Variants in AMBRA1 observed in about 807,000 individuals in gnomAD.
The protein encoded by AMBRA1 is activating molecule in BECN1-regulated autophagy protein 1.
A neutral mutation model predicts 125.4 loss-of-function variants in AMBRA1; 47 were observed. The observed-to-expected ratio is 0.37, with a 90% CI of 0.30 to 0.48. AMBRA1 has a LOEUF of 0.48. Among genes scored for constraint, AMBRA1 ranks in the 20% least tolerant of loss-of-function variants. AMBRA1 has a pLI of 0.99. For missense variants in AMBRA1, 1,331 were observed against 1,693.4 expected, an observed-to-expected ratio of 0.79 and a Z score of 3.76; for synonymous variants, 626 against 655.5, an observed-to-expected ratio of 0.95 and a Z score of 0.69.
At chr11:46,409,455 C>A (rs536436060) in intron 16 of AMBRA1, among the ~76,000 whole-genome samples, 8 of 152,208 alleles carry the variant, frequency 5.3e-5, no homozygotes, top group Non-Finnish European at 1.2e-4. Context: ...GCCTCAGCCT[C>A]CCAAAGTGCT....
chr11:46,588,642 CCACATGCCTGT>C (rs2044485593), intron 1 of AMBRA1, among the ~76,000 whole-genome samples: 1 of 151,426 alleles, frequency 6.6e-6, no homozygotes, highest in Non-Finnish European at 1.5e-5. Flanking sequence ...AATTAGCCAG[CCACATGCCTGT>C]AGTCCCAGCT....
intron 1 of AMBRA1, among the ~76,000 whole-genome samples, chr11:46,554,601 C>T (rs1198737831): frequency 6.6e-6 from 1 of 152,128 alleles, no homozygotes; most frequent in Non-Finnish European, 1.5e-5. Context: ...TTTGCTGTTG[C>T]TTTAAAAGGA....
At chr11:46,546,457 T>G (rs566175875) in intron 4 of AMBRA1, among the ~76,000 whole-genome samples, 1 of 152,092 alleles carries the variant, frequency 6.6e-6, no homozygotes, top group East Asian at 1.9e-4. Context: ...ATGATCGGAG[T>G]ACAGGAATAT....
chr11:46,451,048 A>T (rs1948566508), intron 11 of AMBRA1, among the ~76,000 whole-genome samples: 1 of 152,198 alleles, frequency 6.6e-6, no homozygotes, highest in African/African-American at 2.4e-5. Context: ...TTTCATTCAC[A>T]TTCTAGGAGA....
chr11:46,452,044 C>A (rs1948625416), intron 11 of AMBRA1, among the ~76,000 whole-genome samples: 2 of 151,564 alleles, frequency 1.3e-5, no homozygotes, highest in African/African-American at 2.4e-5. Context: ...GTGATGACTG[C>A]ACAACTCTAT....
At chr11:46,540,121 C>T (rs1215983428) in intron 7 of AMBRA1, among the ~76,000 whole-genome samples, 2 of 152,146 alleles carry the variant, frequency 1.3e-5, no homozygotes, top group Admixed American at 6.5e-5. Context: ...CGTGAGCCAC[C>T]GTGCCCGGCA....
At chr11:46,460,589 C>T (rs1184851404) in intron 11 of AMBRA1, among the ~76,000 whole-genome samples, 5 of 152,156 alleles carry the variant, frequency 3.3e-5, no homozygotes, top group Non-Finnish European at 5.9e-5. Flanking sequence ...TCCCAAAGTG[C>T]TGGCATTACA....
At chr11:46,461,865 A>G (rs561582619) in intron 11 of AMBRA1, among the ~76,000 whole-genome samples, 1 of 152,320 alleles carries the variant, frequency 6.6e-6, no homozygotes, top group African/African-American at 2.4e-5. Flanking sequence ...AAGCATGCAA[A>G]CACATGCCCA....
intron 14 of AMBRA1, among the ~76,000 whole-genome samples, chr11:46,424,454 C>T (rs4550197): frequency 0.99 from 150,420 of 152,338 alleles, 74,300 homozygotes; most frequent in East Asian, 1. Flanking sequence ...CAAAGGCCAC[C>T]CCTGGCCATT....
rs181017237 is a variant in AMBRA1 at position 46,468,707 on chromosome 11, G to A, written c.2521+24901C>T. ...GGCGCCTGTAGTCCCCGTTACTCAG[G>A]AGGCTGAGGCAGGAGAATGGCGTGA... On this transcript the variant is annotated intron_variant, in intron 11 of 17. Transcript: ENST00000683756. Among the ~76,000 whole-genome samples, 586 of 151,818 alleles carry A rather than the reference G, an allele frequency of 3.9e-3. 3 individuals are homozygous for A. The highest frequency in any genetic ancestry group is 6.1e-3 in the Admixed American group (93 of 15,248).
At chr11:46,441,029 C>T (rs1433425553) in intron 12 of AMBRA1, among the ~76,000 whole-genome samples, 1 of 152,126 alleles carries the variant, frequency 6.6e-6, no homozygotes, top group Non-Finnish European at 1.5e-5. Context: ...CAATGCCCTG[C>T]CTGATTCACT....
chr11:46,566,360 G>A (rs905841396), intron 1 of AMBRA1, among the ~76,000 whole-genome samples: 1 of 151,980 alleles, frequency 6.6e-6, no homozygotes, highest in Non-Finnish European at 1.5e-5. Context: ...AGAGGTTGCA[G>A]TGAGCCGAGA....
intron 17 of AMBRA1, 132 bp from the exon 18 acceptor site, chr11:46,398,075 T>C: frequency 8.2e-7 from 1 of 1,214,390 alleles, no homozygotes; most frequent in Middle Eastern, 2.0e-4. Flanking sequence ...GCTCCATCAC[T>C]GTGAAAACCA....
At chr11:46,591,201 C>T (rs751451288) in intron 1 of AMBRA1, 1 of 152,188 alleles carries the variant, frequency 6.6e-6, no homozygotes, top group Non-Finnish European at 1.5e-5. Context: ...CTACGCAGAA[C>T]TTATCAATTC....
At chr11:46,416,653 G>A (rs1163262844) in intron 15 of AMBRA1, among the ~76,000 whole-genome samples, 3 of 152,214 alleles carry the variant, frequency 2.0e-5, no homozygotes, top group Admixed American at 6.5e-5. Flanking sequence ...AAGGCAACAC[G>A]GACACTTCCG....
chr11:46,551,092 G>A (rs894781841), intron 1 of AMBRA1, among the ~76,000 whole-genome samples: 14 of 120,190 alleles, frequency 1.2e-4, no homozygotes, highest in East Asian at 9.2e-4. Flanking sequence ...GTGAGACTCC[G>A]CCTCAAAAAA....
chr11:46,502,825 C>G (rs769045225), intron 9 of AMBRA1, among the ~76,000 whole-genome samples: 1 of 151,964 alleles, frequency 6.6e-6, no homozygotes, highest in Admixed American at 6.6e-5. Flanking sequence ...CTTTGGGAGG[C>G]CGAAGTGGGC....
intron 14 of AMBRA1, 32 bp from the exon 15 acceptor site, chr11:46,418,084 A>C: frequency 2.6e-6 from 4 of 1,522,940 alleles, no homozygotes; most frequent in South Asian, 1.3e-5. Context: ...AAAAAAGAGA[A>C]TGGGAGGAGA....
intron 1 of AMBRA1, among the ~76,000 whole-genome samples, chr11:46,560,203 CAG>C (rs1216732480): frequency 3.3e-5 from 5 of 152,204 alleles, no homozygotes; most frequent in African/African-American, 4.8e-5. Context: ...AAACTGTCAA[CAG>C]ACAGAACCTG....
Sources: gnomAD v4.1 joint callset for allele counts (sites outside exome capture counted in the v4.1 genomes callset) on GRCh38, gnomAD v4.1.1 for gene constraint, MANE v1.5 for transcripts, NCBI Gene and HGNC (gene_info 2026-07-23, HGNC 2026-07-21) for gene names.